Variants in FAF1 observed in about 807,000 individuals in gnomAD.
The protein encoded by FAF1 is Fas associated factor 1.
A neutral mutation model predicts 92.5 loss-of-function variants in FAF1; 25 were observed. That is an observed-to-expected ratio of 0.27 (90% CI 0.20 to 0.38). The LOEUF (loss-of-function observed/expected upper bound fraction) is 0.38. FAF1 is among the 10% of genes least tolerant of loss of function. The probability of loss-of-function intolerance (pLI) is 1.00; values close to 1 mark genes in which losing one functional copy is unlikely to be tolerated. For synonymous variants in FAF1, 234 were observed against 273.2 expected, an observed-to-expected ratio of 0.86 and a Z score of 1.42; for missense variants, 636 against 793.3, an observed-to-expected ratio of 0.80 and a Z score of 2.38.
rs568199523 is a variant in FAF1 at position 50,646,817 on chromosome 1, G to A, written c.744+8625C>T. 6.6e-5 allele frequency among the ~76,000 whole-genome samples: 10 copies of A among 152,192 alleles called. No individual in the cohort carries two copies. In the South Asian group the frequency reaches 1.7e-3, roughly 25 times the overall value. On this transcript the variant is annotated intron_variant, in intron 8 of 18. Coordinates refer to ENST00000396153, the MANE Select transcript of FAF1 (RefSeq NM_007051.3). ...ACTGGCCTGTAAGAGTTGTTAAAGC[G>A]AACTAAATATGATCTCAGAAGGACT...
chr1:50,849,448 C>T (rs1644330297), intron 2 of FAF1, among the ~76,000 whole-genome samples: 2 of 149,212 alleles, frequency 1.3e-5, no homozygotes, highest in South Asian at 4.1e-4. Flanking sequence ...AAACACACTG[C>T]TATCACTCAT....
chr1:50,485,031 C>G (rs907946660), intron 17 of FAF1, among the ~76,000 whole-genome samples: 5 of 151,158 alleles, frequency 3.3e-5, no homozygotes, highest in African/African-American at 1.2e-4. Context: ...GTGCAGCACA[C>G]CAACATGGCA....
intron 12 of FAF1, 173 bp downstream of exon 12, chr1:50,582,445 A>G: frequency 1.8e-6 from 1 of 551,946 alleles, no homozygotes; most frequent in Non-Finnish European, 3.3e-6. Context: ...TTGGACTTAT[A>G]CAGAGATGAT....
At chr1:50,692,534 A>G (rs572163763) in intron 7 of FAF1, among the ~76,000 whole-genome samples, 1 of 152,208 alleles carries the variant, frequency 6.6e-6, no homozygotes, top group South Asian at 2.1e-4. Flanking sequence ...GAATCCATAT[A>G]TAAGTGAGAA....
chr1:50,574,898 C>CTTTTTT (rs891527014), intron 12 of FAF1, among the ~76,000 whole-genome samples: 2 of 71,398 alleles, frequency 2.8e-5, no homozygotes, highest in East Asian at 3.4e-4. Flanking sequence ...TGTATTAACT[C>CTTTTTT]TTTTTTTTTT....
intron 7 of FAF1, among the ~76,000 whole-genome samples, chr1:50,664,380 C>G (rs1655526751): frequency 6.6e-6 from 1 of 151,526 alleles, no homozygotes; most frequent in Non-Finnish European, 1.5e-5. Flanking sequence ...AACCTGCAAA[C>G]TCACAATAAA....
chr1:50,757,231 A>G (rs2124520186), intron 4 of FAF1, among the ~76,000 whole-genome samples: 1 of 152,172 alleles, frequency 6.6e-6, no homozygotes, highest in East Asian at 1.9e-4. Context: ...GAGGAGTATT[A>G]TATACATTTT....
chr1:50,843,587 A>G (rs1644273936), intron 2 of FAF1, among the ~76,000 whole-genome samples: 3 of 151,986 alleles, frequency 2.0e-5, no homozygotes, highest in Non-Finnish European at 2.9e-5. Context: ...CACTACCTCA[A>G]TGAGATCAAC....
At chr1:50,931,421 T>G (rs1645046300) in intron 1 of FAF1, among the ~76,000 whole-genome samples, 1 of 152,256 alleles carries the variant, frequency 6.6e-6, no homozygotes, top group African/African-American at 2.4e-5. Flanking sequence ...TTAATTGGAC[T>G]TACAGTTCCA....
At chr1:50,574,727 A>C (rs1203347625) in intron 12 of FAF1, among the ~76,000 whole-genome samples, 2 of 152,056 alleles carry the variant, frequency 1.3e-5, no homozygotes, top group Admixed American at 6.6e-5. Context: ...CATTAAAAAT[A>C]TATTAATAAT....
At chr1:50,554,390 T>TATATAGAGAGAGAGAGAGAGAGAGAGAG in intron 13 of FAF1, among the ~76,000 whole-genome samples, 4 of 93,686 alleles carry the variant, frequency 4.3e-5, no homozygotes, top group East Asian at 3.1e-4. Flanking sequence ...TATATATATA[T>TATATAGAGAGAGAGAGAGAGAGAGAGAG]AGAGAGAGAG....
intron 4 of FAF1, 50 bp downstream of exon 4, chr1:50,787,950 G>A (rs1336021671): frequency 4.7e-6 from 7 of 1,491,692 alleles, no homozygotes; most frequent in Non-Finnish European, 6.5e-6. Context: ...TAACCTGAAT[G>A]TTTACCTAAT....
intron 7 of FAF1, among the ~76,000 whole-genome samples, chr1:50,678,333 A>C (rs1386473700): frequency 6.6e-6 from 1 of 152,190 alleles, no homozygotes; most frequent in Non-Finnish European, 1.5e-5. Context: ...AAGGGCCTAA[A>C]GTCTAGAGTT....
chr1:50,839,697 G>C (rs989975824), intron 2 of FAF1, among the ~76,000 whole-genome samples: 1 of 151,836 alleles, frequency 6.6e-6, no homozygotes, highest in Non-Finnish European at 1.5e-5. Context: ...GAAAACAGTT[G>C]GACAAAAACT....
intron 18 of FAF1, among the ~76,000 whole-genome samples, chr1:50,441,901 A>G (rs1032923001): frequency 6.6e-6 from 1 of 151,686 alleles, no homozygotes; most frequent in African/African-American, 2.4e-5. Flanking sequence ...TGGTGGGACT[A>G]CAGCTAAGCC....
intron 5 of FAF1, among the ~76,000 whole-genome samples, chr1:50,743,273 C>T (rs1416839207): frequency 6.6e-6 from 1 of 152,146 alleles, no homozygotes; most frequent in African/African-American, 2.4e-5. Context: ...CTGCAAGAAG[C>T]CATTCACGAA....
chr1:50,442,978 A>G (rs1646187164), intron 18 of FAF1, among the ~76,000 whole-genome samples: 1 of 152,202 alleles, frequency 6.6e-6, no homozygotes, highest in Non-Finnish European at 1.5e-5. Context: ...CTATCTTCCA[A>G]TGCACTGAGG....
chr1:50,733,759 T>C (rs1197154085), intron 6 of FAF1, among the ~76,000 whole-genome samples: 1 of 152,178 alleles, frequency 6.6e-6, no homozygotes. Flanking sequence ...TAAATGCCTA[T>C]TGTTTAAGCT....
At chr1:50,616,916 A>AGT (rs1652939440) in intron 8 of FAF1, among the ~76,000 whole-genome samples, 1 of 152,114 alleles carries the variant, frequency 6.6e-6, no homozygotes, top group South Asian at 2.1e-4. Flanking sequence ...CCTGACCTCA[A>AGT]GTGATCTGCC....
Sources: allele counts gnomAD v4.1 joint callset (sites outside exome capture counted in the v4.1 genomes callset), GRCh38; gene constraint gnomAD v4.1.1; transcripts MANE v1.5; gene names NCBI Gene and HGNC (gene_info 2026-07-23, HGNC 2026-07-21).